The following RBPJ variants were observed in gnomAD, a reference collection of about 807,000 sequenced individuals.
RBPJ encodes recombining binding protein suppressor of hairless.
RBPJ carries 9 observed loss-of-function variants against 67.8 expected under a neutral mutation model. That is an observed-to-expected ratio of 0.13 (90% CI 0.08 to 0.23). The LOEUF (loss-of-function observed/expected upper bound fraction) is 0.23, where lower values mean the gene tolerates loss of function less well. RBPJ is among the 10% of genes least tolerant of loss of function. The probability of loss-of-function intolerance (pLI) is 1.00; values close to 1 mark genes in which losing one functional copy is unlikely to be tolerated. For missense variants in RBPJ, 305 were observed against 595.6 expected, an observed-to-expected ratio of 0.51 and a Z score of 5.08; for synonymous variants, 198 against 203.3, an observed-to-expected ratio of 0.97 and a Z score of 0.22.
Position 26,280,424 on chromosome 4 carries a change from A to C in RBPJ, c.-166-82022A>C, listed in dbSNP as rs576792087. On this transcript the variant is annotated intron_variant, in intron 1 of 4. Coordinates refer to the RBPJ transcript ENST00000512351. ...AAAAAAAAAAAAAAAAAAGAGAGAG[A>C]GAGCCCCATTCCATCCCTGGACAAT... Among the ~76,000 whole-genome samples, 15 of 148,728 alleles carry C rather than the reference A, an allele frequency of 1.0e-4. No individual in the cohort carries two copies. In the South Asian group the frequency reaches 3.2e-3, roughly 32 times the overall value.
In RBPJ at chr4:26,273,433, G is replaced by A. The variant is rs111976167; in HGVS notation, c.-166-89013G>A. Among the ~76,000 whole-genome samples, 674 of 152,362 alleles carry A rather than the reference G, an allele frequency of 4.4e-3. 6 individuals carry two copies. The highest frequency in any genetic ancestry group is 0.016 in the African/African-American group (649 of 41,580). On this transcript the variant is annotated intron_variant, in intron 1 of 4. Coordinates refer to the RBPJ transcript ENST00000512351. ...TCTGCCTGGCGACCTCCCAGAGGGC[G>A]AGATGCCTCCGAGGGAGCGTGGAGC...
At chr4:26,300,217 C>G (rs190171558) in intron 1 of RBPJ, among the ~76,000 whole-genome samples, 6 of 151,622 alleles carry the variant, frequency 4.0e-5, no homozygotes, top group Non-Finnish European at 8.8e-5. Flanking sequence ...AAAACATCCA[C>G]CTTGCAGAGC....
At chr4:26,179,734 C>T (rs1446849215) in intron 1 of RBPJ, among the ~76,000 whole-genome samples, 1 of 152,148 alleles carries the variant, frequency 6.6e-6, no homozygotes, top group Non-Finnish European at 1.5e-5. Flanking sequence ...TAAATTAGTT[C>T]AACCACTTTG....
intron 1 of RBPJ, among the ~76,000 whole-genome samples, chr4:26,204,348 A>G (rs1361266622): frequency 4.6e-5 from 7 of 152,212 alleles, no homozygotes; most frequent in South Asian, 2.1e-4. Context: ...CCCCACACCA[A>G]TGAAAGAGGT....
At chr4:26,226,201 A>C (rs1445152250) in intron 1 of RBPJ, among the ~76,000 whole-genome samples, 1 of 151,874 alleles carries the variant, frequency 6.6e-6, no homozygotes, top group African/African-American at 2.4e-5. Flanking sequence ...ATGGTGTTTT[A>C]CGCCTGTAAT....
the RBPJ span, among the ~76,000 whole-genome samples, chr4:26,126,938 C>T: frequency 0.11 from 16,135 of 152,280 alleles, 1,140 homozygotes; most frequent in Non-Finnish European, 0.15. Flanking sequence ...AAGGTCATTA[C>T]GCCTTAAAGG....
At chr4:26,157,972 T>A in the RBPJ span, among the ~76,000 whole-genome samples, 6 of 152,206 alleles carry the variant, frequency 3.9e-5, no homozygotes, top group Admixed American at 3.3e-4. Flanking sequence ...TGACTGCAAG[T>A]GAAACCAACA....
chr4:26,350,224 T>C (rs1726656164), intron 1 of RBPJ, among the ~76,000 whole-genome samples: 1 of 152,200 alleles, frequency 6.6e-6, no homozygotes, highest in African/African-American at 2.4e-5. Context: ...AGAAAAATGG[T>C]TTGTACTACC....
intron 1 of RBPJ, among the ~76,000 whole-genome samples, chr4:26,255,186 C>T (rs200623984): frequency 7.3e-3 from 942 of 129,136 alleles, no homozygotes; most frequent in Middle Eastern, 0.057. Flanking sequence ...GGGTGGATCA[C>T]GAGGTCAGGA....
intron 2 of RBPJ, among the ~76,000 whole-genome samples, chr4:26,388,317 T>G (rs954353671): frequency 6.6e-6 from 1 of 152,112 alleles, no homozygotes; most frequent in Non-Finnish European, 1.5e-5. Context: ...GTTATTATAT[T>G]TGTGTTCTAT....
intron 1 of RBPJ, among the ~76,000 whole-genome samples, chr4:26,200,981 T>C (rs1577465699): frequency 6.6e-6 from 1 of 152,222 alleles, no homozygotes; most frequent in Non-Finnish European, 1.5e-5. Context: ...GCCTGGCATA[T>C]GGATGCTGTT....
At chr4:26,365,243 G>A (rs1428453538) in intron 1 of RBPJ, among the ~76,000 whole-genome samples, 1 of 152,016 alleles carries the variant, frequency 6.6e-6, no homozygotes, top group African/African-American at 2.4e-5. Flanking sequence ...CCCTGACTGA[G>A]TCTTGTACTC....
chr4:26,160,696 A>G (rs769099261), upstream of RBPJ, among the ~76,000 whole-genome samples: 1 of 152,218 alleles, frequency 6.6e-6, no homozygotes, highest in Non-Finnish European at 1.5e-5. Flanking sequence ...TTTCCAGAGT[A>G]AAAGGAGAAA....
rs532337141 is a variant in RBPJ, at chr4:26,203,065, C to T, written c.-167+39451C>T. On this transcript the variant is annotated intron_variant, in intron 1 of 4. Transcript: ENST00000512351. ...AAGAAAAATAATTTCTCACCTCCAC[C>T]GCTGGGTCAACCCTATCTAGTCCAA... Among the ~76,000 whole-genome samples, 4 of 152,164 alleles carry T rather than the reference C, an allele frequency of 2.6e-5. No individual in the cohort carries two copies. The South Asian group carries it at 6.2e-4, about 24-fold the overall frequency.
intron 1 of RBPJ, among the ~76,000 whole-genome samples, chr4:26,270,359 AAGAAAGAAAGAAAG>A (rs1159207336): frequency 7.0e-5 from 1 of 14,374 alleles, no homozygotes; most frequent in African/African-American, 3.5e-4. Context: ...GAGCAAGAGA[AAGAAAGAAAGAAAG>A]AAAGAAAGAA....
intron 2 of RBPJ, among the ~76,000 whole-genome samples, chr4:26,398,828 G>A (rs936711725): frequency 6.6e-6 from 1 of 152,046 alleles, no homozygotes; most frequent in Non-Finnish European, 1.5e-5. Context: ...TGGCCAGGCT[G>A]GTCTTGAACT....
chr4:26,136,781 A>C, the RBPJ span, among the ~76,000 whole-genome samples: 2 of 152,146 alleles, frequency 1.3e-5, no homozygotes, highest in African/African-American at 4.8e-5. Context: ...TTCACTGAGC[A>C]CTTAGCATAT....
chr4:26,200,982 G>A (rs1245842529), intron 1 of RBPJ, among the ~76,000 whole-genome samples: 2 of 152,168 alleles, frequency 1.3e-5, no homozygotes, highest in Non-Finnish European at 2.9e-5. Context: ...CCTGGCATAT[G>A]GATGCTGTTC....
chr4:26,365,759 A>G (rs1218329448), intron 1 of RBPJ, among the ~76,000 whole-genome samples: 1 of 152,238 alleles, frequency 6.6e-6, no homozygotes, highest in Non-Finnish European at 1.5e-5. Flanking sequence ...CATATCCTCT[A>G]CATTACTTTC....
Sources: allele counts gnomAD v4.1 joint callset (sites outside exome capture counted in the v4.1 genomes callset), GRCh38; gene constraint gnomAD v4.1.1; transcripts MANE v1.5; gene names NCBI Gene and HGNC (gene_info 2026-07-23, HGNC 2026-07-21).